The following ANO4 variants were observed in gnomAD, a reference collection of about 807,000 sequenced individuals.
The protein encoded by ANO4 is anoctamin 4.
In ANO4, 69 loss-of-function variants were observed where a neutral mutation model predicts 141.9. The observed-to-expected ratio is 0.49, with a 90% CI of 0.40 to 0.59. The LOEUF (loss-of-function observed/expected upper bound fraction) is 0.59. Ranked by LOEUF, ANO4 falls within the 20% of genes least tolerant of loss-of-function variation. The pLI, the probability that ANO4 is intolerant of heterozygous loss-of-function variation, is 0.00. For synonymous variants in ANO4, 350 were observed against 394.3 expected (o/e 0.89, Z 1.33); for missense variants, 894 against 1,162.2 (o/e 0.77, Z 3.36).
At chr12:101,036,552 A>G (rs1026808752) in intron 9 of ANO4, among the ~76,000 whole-genome samples, 1 of 152,186 alleles carries the variant, frequency 6.6e-6, no homozygotes, top group Non-Finnish European at 1.5e-5. Context: ...TGCAACATGG[A>G]TGAACTTGGA....
At chr12:100,822,531 GCACATACACACA>G (rs2036110335) in intron 1 of ANO4, among the ~76,000 whole-genome samples, 1 of 151,928 alleles carries the variant, frequency 6.6e-6, no homozygotes, top group African/African-American at 2.4e-5. Context: ...ACATACACAC[GCACATACACACA>G]CGCACAGGGC....
intron 22 of ANO4, among the ~76,000 whole-genome samples, chr12:101,103,216 T>TCA: frequency 7.3e-6 from 1 of 137,806 alleles, no homozygotes; most frequent in South Asian, 2.3e-4. Context: ...TATATATATA[T>TCA]ATATATATAT....
chr12:100,743,792 A>G (rs1514802), intron 3 of ANO4, among the ~76,000 whole-genome samples: 38,759 of 151,978 alleles, frequency 0.26, 5,146 homozygotes, highest in East Asian at 0.47. Context: ...TGGGTTTGTT[A>G]TACAAATTAT....
intron 2 of ANO4, chr12:100,733,949 A>C: frequency 1.6e-6 from 1 of 620,952 alleles, no homozygotes; most frequent in Admixed American, 2.7e-5. Context: ...GAGAGGGAAG[A>C]AAATATAAAT....
chr12:100,989,551 G>GGA (rs2044944618), intron 8 of ANO4, among the ~76,000 whole-genome samples: 2 of 144,646 alleles, frequency 1.4e-5, no homozygotes, highest in African/African-American at 2.6e-5. Flanking sequence ...GGGTGGGTGG[G>GGA]TGGATGGATG....
chr12:100,804,994 G>A (rs1164195642), intron 1 of ANO4, among the ~76,000 whole-genome samples: 1 of 152,116 alleles, frequency 6.6e-6, no homozygotes, highest in East Asian at 1.9e-4. Context: ...CATTACAATT[G>A]CTGTTGGCAT....
At chr12:101,077,332 A>G (rs2049062719) in intron 14 of ANO4, among the ~76,000 whole-genome samples, 1 of 152,098 alleles carries the variant, frequency 6.6e-6, no homozygotes, top group Non-Finnish European at 1.5e-5. Context: ...TTCCCTTTGC[A>G]GATTTTGCTT....
intron 8 of ANO4, among the ~76,000 whole-genome samples, chr12:101,001,375 T>C (rs1462103273): frequency 1.3e-5 from 2 of 152,218 alleles, no homozygotes; most frequent in African/African-American, 4.8e-5. Context: ...GTAGACACTC[T>C]GGTGCCCCAT....
intron 3 of ANO4, among the ~76,000 whole-genome samples, chr12:100,768,261 T>G (rs1364606048): frequency 1.3e-5 from 2 of 152,160 alleles, no homozygotes; most frequent in African/African-American, 4.8e-5. Flanking sequence ...CTTCCACCAT[T>G]CAGAGGGTAT....
At chr12:100,974,744 A>T in intron 6 of ANO4, 101 bp from the exon 7 acceptor site, 1 of 1,282,446 alleles carries the variant, frequency 7.8e-7, no homozygotes, top group Non-Finnish European at 1.1e-6. Flanking sequence ...TTCACCTCTT[A>T]CAGGCTTCTA....
At position 100,794,791 on chromosome 12, in the gene ANO4, C is replaced by T. The variant is rs183373530; in HGVS notation, c.-377C>T. ...CCACCAGGCTGCTTTCACTCCGGCT[C>T]GCTCTCCGGAGAGTCCTGTTCCAGA... On this transcript the variant is annotated 5_prime_UTR_variant, in exon 1 of 28. Transcript: ENST00000392977. 3.3e-5 allele frequency: 5 copies of T among 152,372 alleles called. No homozygotes were observed. Among genetic ancestry groups the T allele is most frequent in the Non-Finnish European group, 7.3e-5 (5 of 68,100 alleles). 9.4% of individuals were successfully genotyped at this position (152,372 alleles called of 1,614,324 possible).
chr12:101,036,624 ATG>A, intron 9 of ANO4, among the ~76,000 whole-genome samples: 1 of 152,334 alleles, frequency 6.6e-6, no homozygotes, highest in Non-Finnish European at 1.5e-5. Context: ...GATCTCACTT[ATG>A]TGTAGAATCT....
At chr12:101,012,090 C>G (rs2373408) in intron 8 of ANO4, among the ~76,000 whole-genome samples, 13,598 of 151,980 alleles carry the variant, frequency 0.089, 767 homozygotes, top group Middle Eastern at 0.16. Context: ...CTTCAAATTA[C>G]AAAAAAAGTT....
intron 1 of ANO4, among the ~76,000 whole-genome samples, chr12:100,844,603 G>A (rs1477346755): frequency 6.6e-6 from 1 of 152,094 alleles, no homozygotes; most frequent in Non-Finnish European, 1.5e-5. Context: ...GGGGTGGTAA[G>A]GTAGAGGGAT....
chr12:100,970,862 G>A (rs2043903324), intron 5 of ANO4, among the ~76,000 whole-genome samples: 1 of 152,078 alleles, frequency 6.6e-6, no homozygotes, highest in African/African-American at 2.4e-5. Context: ...GGGGTTACAG[G>A]CACCTGCCAC....
At chr12:100,717,745 GT>G in intron 1 of ANO4, among the ~76,000 whole-genome samples, 1 of 152,370 alleles carries the variant, frequency 6.6e-6, no homozygotes, top group South Asian at 2.1e-4. Flanking sequence ...CGGGAACCGG[GT>G]GTCTGCGGGA....
intron 14 of ANO4, among the ~76,000 whole-genome samples, chr12:101,059,311 G>A (rs1367269434): frequency 1.3e-5 from 2 of 152,278 alleles, no homozygotes; most frequent in South Asian, 4.1e-4. Context: ...AGTGATATTG[G>A]CCTGAAATTT....
At chr12:100,946,223 T>C (rs1445861773) in intron 5 of ANO4, among the ~76,000 whole-genome samples, 1 of 152,188 alleles carries the variant, frequency 6.6e-6, no homozygotes, top group Non-Finnish European at 1.5e-5. Context: ...GAAGCCTTAG[T>C]GATCACTGGG....
At chr12:100,867,040 G>T (rs964812325) in intron 1 of ANO4, among the ~76,000 whole-genome samples, 1 of 152,128 alleles carries the variant, frequency 6.6e-6, no homozygotes, top group Non-Finnish European at 1.5e-5. Flanking sequence ...TAAGCAAATG[G>T]ATCCCGATTT....
Sources: gnomAD v4.1 joint callset for allele counts (sites outside exome capture counted in the v4.1 genomes callset) on GRCh38, gnomAD v4.1.1 for gene constraint, MANE v1.5 for transcripts, NCBI Gene and HGNC (gene_info 2026-07-23, HGNC 2026-07-21) for gene names.